SORD: variants seen among roughly 807,000 people sequenced by gnomAD.
SORD encodes sorbitol dehydrogenase, also known as (R,R)-butanediol dehydrogenase.
A neutral mutation model predicts 35.6 loss-of-function variants in SORD; 18 were observed. The ratio of observed to expected loss-of-function variants is 0.51; its 90% CI spans 0.35 to 0.75. SORD has a LOEUF of 0.75. Among genes scored for constraint, SORD ranks in the 30% least tolerant of loss-of-function variants. The probability of loss-of-function intolerance (pLI) is 0.01; values close to 1 mark genes in which losing one functional copy is unlikely to be tolerated. For synonymous variants in SORD, 106 were observed against 152.9 expected, an observed-to-expected ratio of 0.69 and a Z score of 2.26; for missense variants, 250 against 390.2, an observed-to-expected ratio of 0.64 and a Z score of 3.03.
chr15:45,055,843 A>G (rs1465673092), intron 3 of SORD, among the ~76,000 whole-genome samples: 1 of 152,166 alleles, frequency 6.6e-6, no homozygotes, highest in Non-Finnish European at 1.5e-5. Context: ...ATATACGCAA[A>G]TCAATAAATG....
At chr15:45,040,531 C>A (rs1355813634) in intron 2 of SORD, 90 bp downstream of exon 2, 1 of 995,300 alleles carries the variant, frequency 1.0e-6, no homozygotes, top group African/African-American at 1.6e-5. Flanking sequence ...CCTCTCTTTT[C>A]CAACTGTTTA....
At chr15:45,037,505 C>T (rs1451817572) in intron 1 of SORD, among the ~76,000 whole-genome samples, 1 of 152,130 alleles carries the variant, frequency 6.6e-6, no homozygotes, top group African/African-American at 2.4e-5. Context: ...TGTGAATTTG[C>T]CTACTAGTGC....
chr15:45,062,475 G>T (rs1247815777), intron 4 of SORD, among the ~76,000 whole-genome samples: 1 of 151,954 alleles, frequency 6.6e-6, no homozygotes, highest in Non-Finnish European at 1.5e-5. Flanking sequence ...TGGCCCCAGT[G>T]GTGGTTTTCA....
At chr15:45,061,692 C>G (rs951668207) in intron 4 of SORD, among the ~76,000 whole-genome samples, 27 of 151,906 alleles carry the variant, frequency 1.8e-4, no homozygotes, top group Non-Finnish European at 2.1e-4. Flanking sequence ...ACGGTGAAAC[C>G]CCATCTCTAC....
intron 3 of SORD, among the ~76,000 whole-genome samples, chr15:45,057,762 A>G (rs902336517): frequency 2.0e-5 from 3 of 152,276 alleles, no homozygotes; most frequent in East Asian, 3.9e-4. Context: ...CAGCCTGGGC[A>G]ACAGAGTGAG....
At chr15:45,047,966 T>TA (rs772136548) in intron 3 of SORD, among the ~76,000 whole-genome samples, 11 of 152,364 alleles carry the variant, frequency 7.2e-5, no homozygotes, top group Non-Finnish European at 1.2e-4. Context: ...ACCTGTGATA[T>TA]TAAAATCCCC....
intron 7 of SORD, 130 bp downstream of exon 7, chr15:45,069,182 T>G: frequency 2.1e-6 from 1 of 465,640 alleles, no homozygotes; most frequent in Non-Finnish European, 3.5e-6. Flanking sequence ...TTGCCATCTA[T>G]GTTTTCTTTT....
rs1893025049 is a variant in SORD, at chr15:45,045,026, TGA to T, written c.265+1608_265+1609del. ...TTATTTCATTCTTGTAACAATTCTATGAGATAGGCATTATTATCTTCATTAAT... is the reference window on the plus strand; with the variant it reads ...TTATTTCATTCTTGTAACAATTCTATGATAGGCATTATTATCTTCATTAAT... On this transcript the variant is annotated intron_variant, in intron 3 of 8. Transcript: ENST00000267814. Among the ~76,000 whole-genome samples, 3 of 152,082 alleles carry T rather than the reference TGA, an allele frequency of 2.0e-5. 1 individual carries two copies. The South Asian group carries it at 6.2e-4, about 32-fold the overall frequency.
At chr15:45,049,732 A>G (rs1005447341) in intron 3 of SORD, among the ~76,000 whole-genome samples, 3 of 152,176 alleles carry the variant, frequency 2.0e-5, no homozygotes, top group African/African-American at 7.2e-5. Context: ...GATTTTTTAT[A>G]TTACTGATCT....
chr15:45,057,579 T>A (rs143617303), intron 3 of SORD, among the ~76,000 whole-genome samples: 1 of 152,276 alleles, frequency 6.6e-6, no homozygotes, highest in Non-Finnish European at 1.5e-5. Flanking sequence ...GGTCAGGAAG[T>A]GGAGACCATC....
At chr15:45,028,131 G>A (rs571248652) in intron 1 of SORD, among the ~76,000 whole-genome samples, 2 of 152,356 alleles carry the variant, frequency 1.3e-5, no homozygotes, top group South Asian at 2.1e-4. Context: ...TTTGAGACCA[G>A]CCTGGCCAAC....
At position 45,026,278 on chromosome 15, in the gene SORD, A is replaced by G. The variant is rs547471890; in HGVS notation, c.66+2929A>G. On this transcript the variant is annotated intron_variant, in intron 1 of 8. Coordinates refer to ENST00000267814, the MANE Select transcript of SORD (RefSeq NM_003104.6). The stretch of plus-strand genomic sequence containing the variant: ...CCAGAGATAGCAACTAGGAGGAACA[A>G]TCCTGGGGAAGCTTTGAGGGGAACC... 5.9e-5 allele frequency among the ~76,000 whole-genome samples: 9 copies of G among 152,332 alleles called. No individual in the cohort carries two copies. The South Asian group carries it at 1.0e-3, about 18-fold the overall frequency.
intron 3 of SORD, among the ~76,000 whole-genome samples, chr15:45,045,256 G>A (rs1252052653): frequency 1.3e-5 from 2 of 152,174 alleles, no homozygotes; most frequent in African/African-American, 4.8e-5. Flanking sequence ...GGAAGCGAAT[G>A]GCTGGGTGCA....
At chr15:45,062,395 G>A (rs557537313) in intron 4 of SORD, among the ~76,000 whole-genome samples, 27 of 152,326 alleles carry the variant, frequency 1.8e-4, no homozygotes, top group Admixed American at 1.8e-3. Flanking sequence ...CCCAGCCGTG[G>A]AGCTCTAGGG....
chr15:45,027,545 C>T (rs1157108469), intron 1 of SORD, among the ~76,000 whole-genome samples: 1 of 152,240 alleles, frequency 6.6e-6, no homozygotes, highest in Admixed American at 6.5e-5. Context: ...AGGACGGACA[C>T]TTAAACCATA....
intron 1 of SORD, among the ~76,000 whole-genome samples, chr15:45,039,279 C>T (rs1269516744): frequency 5.9e-5 from 9 of 152,138 alleles, no homozygotes; most frequent in African/African-American, 2.2e-4. Context: ...CAGGCGCGTG[C>T]CACCACGCCC....
intron 4 of SORD, among the ~76,000 whole-genome samples, chr15:45,062,990 C>G (rs144757068): frequency 0.04 from 5,830 of 147,054 alleles, 305 homozygotes; most frequent in East Asian, 0.18. Flanking sequence ...ATAGTCATGG[C>G]CTAGTGGTCT....
chr15:45,059,214 T>C (rs1893263105), intron 3 of SORD, among the ~76,000 whole-genome samples: 1 of 152,032 alleles, frequency 6.6e-6, no homozygotes, highest in Non-Finnish European at 1.5e-5. Flanking sequence ...TCTTTCTCCT[T>C]CCTCACTTGG....
chr15:45,058,067 G>A (rs1215461944), intron 3 of SORD, among the ~76,000 whole-genome samples: 1 of 152,144 alleles, frequency 6.6e-6, no homozygotes, highest in Non-Finnish European at 1.5e-5. Context: ...ATATTCCCAG[G>A]TTCTAAAAAC....
Sources: gnomAD v4.1 joint callset for allele counts (sites outside exome capture counted in the v4.1 genomes callset) on GRCh38, gnomAD v4.1.1 for gene constraint, MANE v1.5 for transcripts, NCBI Gene and HGNC (gene_info 2026-07-23, HGNC 2026-07-21) for gene names.